Variants in CACHD1 observed in about 807,000 individuals in gnomAD.
The protein encoded by CACHD1 is VWFA and cache domain-containing protein 1.
Under a neutral mutation model 138.7 loss-of-function variants are expected in CACHD1, and 71 were observed. That is an observed-to-expected ratio of 0.51 (90% CI 0.42 to 0.62). The LOEUF (loss-of-function observed/expected upper bound fraction) is 0.62. Ranked by LOEUF, CACHD1 falls within the 20% of genes least tolerant of loss-of-function variation. The probability of loss-of-function intolerance (pLI) is 0.00; values close to 1 mark genes in which losing one functional copy is unlikely to be tolerated. For synonymous variants in CACHD1, 578 were observed against 591.5 expected, an observed-to-expected ratio of 0.98 and a Z score of 0.33; for missense variants, 1,389 against 1,625.3, an observed-to-expected ratio of 0.85 and a Z score of 2.50.
chr1:64,501,203 A>G (rs905260394), intron 1 of CACHD1, among the ~76,000 whole-genome samples: 3 of 152,192 alleles, frequency 2.0e-5, no homozygotes, highest in Non-Finnish European at 4.4e-5. Flanking sequence ...AATACAGAAG[A>G]AATTAAGAGG....
chr1:64,548,429 A>C (rs1646733912), intron 1 of CACHD1, among the ~76,000 whole-genome samples: 1 of 152,194 alleles, frequency 6.6e-6, no homozygotes, highest in African/African-American at 2.4e-5. Context: ...CAGCTTTTGG[A>C]AATCAAATTG....
Position 64,682,045 on chromosome 1 carries a change from T to A in CACHD1, c.3525T>A (p.His1175Gln), listed in dbSNP as rs145430454. 1.9e-6 allele frequency: 3 copies of A among 1,613,964 alleles called. No individual in the cohort carries two copies. The highest frequency in any genetic ancestry group is 1.3e-5 in the African/African-American group (1 of 74,904). The change falls in exon 26 of 27, where the codon CAT becomes CAA. Residue 1175 changes from histidine to glutamine, a missense_variant. Physicochemically the swap from His to Gln is conservative, Grantham distance 24 (BLOSUM62 0). This residue lies in a region of CACHD1 where 250 missense variants were observed against 292.9 expected (regional missense o/e 0.85). Transcript: ENST00000651257. Reference protein sequence around the residue: ...TRFIAAVIERHAHSPERRRRY... With the variant: ...TRFIAAVIERQAHSPERRRRY... ...TTATAGCTGCGGTCATCGAACGACATGCACACAGTCCAGAAAGAAGGCGCC... is the reference window on the plus strand; with the variant it reads ...TTATAGCTGCGGTCATCGAACGACAAGCACACAGTCCAGAAAGAAGGCGCC...
At chr1:64,666,872 A>AAAAAAAGAG (rs146557306) in intron 16 of CACHD1, among the ~76,000 whole-genome samples, 3 of 138,018 alleles carry the variant, frequency 2.2e-5, no homozygotes, top group East Asian at 2.6e-4. Flanking sequence ...AAAAAAAAAA[A>AAAAAAAGAG]CGAGAAAGAA....
intron 16 of CACHD1, 152 bp from the exon 17 acceptor site, chr1:64,671,412 G>A: frequency 1.3e-6 from 1 of 775,244 alleles, no homozygotes; most frequent in South Asian, 1.7e-5. Flanking sequence ...TGTTAAATCA[G>A]TCACTTAGTT....
Position 64,691,602 on chromosome 1 carries a change from A to G in CACHD1, c.*41A>G, listed in dbSNP as rs376460147. The G allele has an allele frequency of 1.9e-5, 29 of 1,567,492 alleles. No homozygotes were observed. In the African/African-American group the frequency reaches 3.2e-4, roughly 18 times the overall value. ...CACGCCAAGATGAGATCTGGGAGCT[A>G]CAGAATGTTCTGGAAAGAAAAAGAA... On this transcript the variant is annotated 3_prime_UTR_variant, in exon 27 of 27. Coordinates refer to ENST00000651257, the MANE Select transcript of CACHD1 (RefSeq NM_020925.4).
intron 2 of CACHD1, among the ~76,000 whole-genome samples, chr1:64,579,126 C>T (rs1262901792): frequency 1.3e-5 from 2 of 151,970 alleles, no homozygotes; most frequent in Non-Finnish European, 2.9e-5. Context: ...TGAAAGCAGC[C>T]GTAAACAATA....
At chr1:64,541,947 T>G (rs1367446942) in intron 1 of CACHD1, among the ~76,000 whole-genome samples, 2 of 151,158 alleles carry the variant, frequency 1.3e-5, no homozygotes, top group Non-Finnish European at 3.0e-5. Context: ...TCTTAAAGGA[T>G]TAACTATAGT....
At chr1:64,644,702 C>A (rs1219033622) in intron 8 of CACHD1, among the ~76,000 whole-genome samples, 1 of 152,208 alleles carries the variant, frequency 6.6e-6, no homozygotes, top group African/African-American at 2.4e-5. Flanking sequence ...AACCCTATTT[C>A]TAAGTGTAAT....
chr1:64,526,750 C>G (rs999505166), intron 1 of CACHD1, among the ~76,000 whole-genome samples: 1 of 152,218 alleles, frequency 6.6e-6, no homozygotes, highest in Admixed American at 6.5e-5. Flanking sequence ...GGCGCCCTGC[C>G]GTATGAGAGT....
intron 1 of CACHD1, among the ~76,000 whole-genome samples, chr1:64,541,629 G>T (rs116581521): frequency 6.6e-6 from 1 of 151,930 alleles, no homozygotes; most frequent in Admixed American, 6.6e-5. Context: ...ACAACATAGC[G>T]ACACCCTGTC....
intron 1 of CACHD1, among the ~76,000 whole-genome samples, chr1:64,471,357 C>G (rs1361933606): frequency 6.6e-6 from 1 of 152,244 alleles, no homozygotes; most frequent in African/African-American, 2.4e-5. Flanking sequence ...GCAGCCAGCC[C>G]CGTCTGGCTC....
rs564071441 is a variant in CACHD1, at chr1:64,480,125, G to A, written c.198+9183G>A. ...AGTTGTGCAAATCCAGGCTTATCAG[G>A]CCTGCCATTTCTCCCTGACCTCTCA... is the stretch of plus-strand genomic sequence containing the variant. On this transcript the variant is annotated intron_variant, in intron 1 of 26. Transcript: ENST00000651257. Among the ~76,000 whole-genome samples the A allele has an allele frequency of 1.1e-4, 16 of 152,254 alleles. No individual in the cohort carries two copies. The East Asian group carries it at 2.9e-3, about 28-fold the overall frequency.
At chr1:64,479,763 C>T (rs1646198212) in intron 1 of CACHD1, among the ~76,000 whole-genome samples, 1 of 152,168 alleles carries the variant, frequency 6.6e-6, no homozygotes, top group African/African-American at 2.4e-5. Flanking sequence ...TCTCCCTTTG[C>T]TTGCCTACTT....
At chr1:64,550,722 C>A in intron 2 of CACHD1, 66 bp downstream of exon 2, 1 of 1,065,176 alleles carries the variant, frequency 9.4e-7, no homozygotes. Flanking sequence ...CTTCGTCACT[C>A]TTTCCAAGCA....
chr1:64,623,264 T>C (rs1321489632), intron 4 of CACHD1, among the ~76,000 whole-genome samples: 4 of 151,966 alleles, frequency 2.6e-5, no homozygotes, highest in African/African-American at 9.7e-5. Context: ...GAGCTGGGCA[T>C]GGTGACGGGT....
chr1:64,528,270 G>A (rs1646555807), intron 1 of CACHD1, among the ~76,000 whole-genome samples: 1 of 152,174 alleles, frequency 6.6e-6, no homozygotes, highest in African/African-American at 2.4e-5. Context: ...TATTTTGGAG[G>A]AATAGGTTGA....
At chr1:64,571,620 A>G (rs965109981) in intron 2 of CACHD1, among the ~76,000 whole-genome samples, 5 of 152,208 alleles carry the variant, frequency 3.3e-5, no homozygotes, top group African/African-American at 9.6e-5. Flanking sequence ...TGCCAGTGTC[A>G]TCTTTCCACT....
In CACHD1 at chr1:64,470,992, A is replaced by G; in HGVS notation, c.198+50A>G. 1 of 1,519,708 alleles carries G rather than the reference A, an allele frequency of 6.6e-7. No homozygotes were observed. Among genetic ancestry groups the G allele is most frequent in the Non-Finnish European group, 8.9e-7 (1 of 1,126,220 alleles). The allele number at this position is 1,519,708 out of a possible 1,614,324, so 94.1% of individuals were successfully genotyped here. On this transcript the variant is annotated intron_variant, in intron 1 of 26. Transcript: ENST00000651257. This position sits in a 1 kb window ranked among gnomAD's most constrained non-coding sequence, Gnocchi z 5.2. ...ACATCCCGCCTTTCTCCTTTGCTCA[A>G]ACTCCCATCCCACTCCCGGTACAAG...
At chr1:64,609,084 A>T (rs914477373) in intron 4 of CACHD1, among the ~76,000 whole-genome samples, 3 of 152,160 alleles carry the variant, frequency 2.0e-5, no homozygotes, top group Non-Finnish European at 2.9e-5. Flanking sequence ...ATAGGATAGG[A>T]TGTACAGGTG....
Sources: gnomAD v4.1 joint callset for allele counts (sites outside exome capture counted in the v4.1 genomes callset) on GRCh38, gnomAD v4.1.1 for gene constraint, gnomAD v4.1.1 regional missense constraint, Gnocchi (gnomAD v3.1) non-coding constraint, MANE v1.5 for transcripts, NCBI Gene and HGNC (gene_info 2026-07-23, HGNC 2026-07-21) for gene names.